RBFOX1: variants seen among roughly 807,000 people sequenced by gnomAD.
RBFOX1 encodes the protein RNA binding fox-1 homolog 1, also known as RNA binding protein fox-1 homolog 1.
In RBFOX1, 8 loss-of-function variants were observed where a neutral mutation model predicts 57.7. The ratio of observed to expected loss-of-function variants is 0.14; its 90% CI spans 0.08 to 0.25. RBFOX1 has a LOEUF of 0.25. Ranked by LOEUF, RBFOX1 falls within the 10% of genes least tolerant of loss-of-function variation. The pLI, the probability that RBFOX1 is intolerant of heterozygous loss-of-function variation, is 1.00. For synonymous variants in RBFOX1, 326 were observed against 222.4 expected (o/e 1.47, Z -4.15); for missense variants, 611 against 548.5 (o/e 1.11, Z -1.14).
intron 14 of RBFOX1, among the ~76,000 whole-genome samples, chr16:7,701,331 G>A (rs999560733): frequency 6.6e-6 from 1 of 151,908 alleles, no homozygotes; most frequent in African/African-American, 2.4e-5. Context: ...AACGCTTCCT[G>A]TTTGCAGCCG....
intron 2 of RBFOX1, among the ~76,000 whole-genome samples, chr16:5,511,630 C>T (rs1000375480): frequency 5.3e-5 from 8 of 152,216 alleles, no homozygotes; most frequent in African/African-American, 1.9e-4. Flanking sequence ...TGAGTAGGTT[C>T]CAGTTTATCC....
At chr16:6,076,131 T>G (rs1210827755) in intron 1 of RBFOX1, among the ~76,000 whole-genome samples, 1 of 152,046 alleles carries the variant, frequency 6.6e-6, no homozygotes, top group Non-Finnish European at 1.5e-5. Context: ...AAATCCCATC[T>G]CTAATAAAAA....
At chr16:7,271,824 A>G (rs549611691) in intron 4 of RBFOX1, among the ~76,000 whole-genome samples, 1 of 152,182 alleles carries the variant, frequency 6.6e-6, no homozygotes, top group South Asian at 2.1e-4. Context: ...CACTCAGGAA[A>G]AAAAAAAAAT....
In RBFOX1 at chr16:7,308,402, A is replaced by G. The variant is rs1374723669; in HGVS notation, c.28-209745A>G. Among the ~76,000 whole-genome samples, 3 of 151,628 alleles carry G rather than the reference A, an allele frequency of 2.0e-5. No individual in the cohort carries two copies. The East Asian group carries it at 5.8e-4, about 30-fold the overall frequency. ...CACCAGCGTCTCTCAGTACTATTCT[A>G]AGAAAGCTTCTTATCTGTCAAGCCC... On this transcript the variant is annotated intron_variant, in intron 4 of 15. Transcript: ENST00000550418.
chr16:7,074,746 C>T (rs1045978253), intron 4 of RBFOX1, among the ~76,000 whole-genome samples: 9 of 152,074 alleles, frequency 5.9e-5, no homozygotes, highest in African/African-American at 1.9e-4. Flanking sequence ...GCAGTATAAG[C>T]ATAAGAAAAA....
intron 2 of RBFOX1, among the ~76,000 whole-genome samples, chr16:6,456,458 A>G (rs879395955): frequency 6.6e-6 from 1 of 152,160 alleles, no homozygotes; most frequent in Middle Eastern, 3.2e-3. Flanking sequence ...ATTCAAGTTT[A>G]TCATTGATGA....
intron 4 of RBFOX1, among the ~76,000 whole-genome samples, chr16:7,190,127 A>G (rs916004852): frequency 4.6e-5 from 7 of 152,154 alleles, no homozygotes; most frequent in Non-Finnish European, 7.4e-5. Context: ...TTGGGAGGCC[A>G]AGGCGGGCAG....
chr16:7,037,449 C>T (rs1398767202), intron 3 of RBFOX1, among the ~76,000 whole-genome samples: 1 of 151,918 alleles, frequency 6.6e-6, no homozygotes, highest in Non-Finnish European at 1.5e-5. Context: ...GATGGAGTTG[C>T]TCTGGTTCAT....
chr16:7,148,494 G>A (rs775858073), intron 4 of RBFOX1, among the ~76,000 whole-genome samples: 18 of 152,072 alleles, frequency 1.2e-4, no homozygotes, highest in Non-Finnish European at 2.1e-4. Context: ...TTCACACGCC[G>A]GCAGGAGGCT....
rs930923403 is a variant in RBFOX1 at position 6,853,651 on chromosome 16, C to G, written c.-15-198406C>G. 3.9e-5 allele frequency among the ~76,000 whole-genome samples: 6 copies of G among 152,182 alleles called. No homozygotes were observed. In the East Asian group the frequency reaches 5.8e-4, roughly 15 times the overall value. On this transcript the variant is annotated intron_variant, in intron 3 of 15. Coordinates refer to ENST00000550418, the MANE Select transcript of RBFOX1 (RefSeq NM_018723.4). Reference sequence around the variant, plus strand: ...ATTTGCATGGCCCATAGTAAATGCTCTCAGCCTGTATGGAGGCTAATTTGT... The same window carrying G: ...ATTTGCATGGCCCATAGTAAATGCTGTCAGCCTGTATGGAGGCTAATTTGT...
At chr16:6,024,391 G>C (rs1019921292) in intron 1 of RBFOX1, among the ~76,000 whole-genome samples, 6 of 152,136 alleles carry the variant, frequency 3.9e-5, no homozygotes, top group African/African-American at 1.4e-4. Flanking sequence ...GACTTGGGGG[G>C]ACATTCCAGA....
intron 1 of RBFOX1, among the ~76,000 whole-genome samples, chr16:5,421,477 C>T (rs548697131): frequency 6.6e-6 from 1 of 152,108 alleles, no homozygotes; most frequent in African/African-American, 2.4e-5. Flanking sequence ...TTTTCCAGTT[C>T]CAGTAGAGAG....
intron 1 of RBFOX1, among the ~76,000 whole-genome samples, chr16:6,051,107 T>G (rs2095547686): frequency 6.6e-6 from 1 of 151,148 alleles, no homozygotes; most frequent in East Asian, 2.0e-4. Context: ...ATTGCAGTTT[T>G]TTCCCATTAA....
intron 3 of RBFOX1, among the ~76,000 whole-genome samples, chr16:6,755,803 C>T (rs2075697741): frequency 6.6e-6 from 1 of 152,094 alleles, no homozygotes; most frequent in African/African-American, 2.4e-5. Context: ...ACTGTTGCCC[C>T]TATTTGGAGC....
chr16:7,021,015 C>G (rs1308326732), intron 3 of RBFOX1, among the ~76,000 whole-genome samples: 5 of 152,238 alleles, frequency 3.3e-5, no homozygotes, highest in African/African-American at 7.2e-5. Context: ...GTAATCCCAG[C>G]TACTGGGGAG....
intron 1 of RBFOX1, among the ~76,000 whole-genome samples, chr16:6,244,532 C>G (rs2097558320): frequency 6.6e-6 from 1 of 152,140 alleles, no homozygotes; most frequent in Admixed American, 6.5e-5. Context: ...GAGATGGAGT[C>G]TCCCTCTGTA....
intron 11 of RBFOX1, among the ~76,000 whole-genome samples, chr16:7,650,436 G>C (rs1432887437): frequency 6.6e-6 from 1 of 151,776 alleles, no homozygotes; most frequent in Non-Finnish European, 1.5e-5. Flanking sequence ...AATGTGCCCT[G>C]CTTGGGAGAG....
chr16:6,867,190 A>C (rs1194560239), intron 3 of RBFOX1, among the ~76,000 whole-genome samples: 2 of 152,318 alleles, frequency 1.3e-5, no homozygotes, highest in East Asian at 1.9e-4. Context: ...GGTCTTGCAA[A>C]GAAAAGCATG....
chr16:7,441,254 G>T (rs1219129668), intron 4 of RBFOX1, among the ~76,000 whole-genome samples: 1 of 152,170 alleles, frequency 6.6e-6, no homozygotes. Flanking sequence ...AGGAATTTAT[G>T]CTTTAAGAAC....
Sources: allele counts gnomAD v4.1 joint callset (sites outside exome capture counted in the v4.1 genomes callset), GRCh38; gene constraint gnomAD v4.1.1; transcripts MANE v1.5; gene names NCBI Gene and HGNC (gene_info 2026-07-23, HGNC 2026-07-21).